PCDH15: variants seen among roughly 807,000 people sequenced by gnomAD.
PCDH15 encodes the protein protocadherin related 15, also known as protocadherin-15.
In PCDH15, 129 loss-of-function variants were observed where a neutral mutation model predicts 178.5. That is an observed-to-expected ratio of 0.72 (90% CI 0.63 to 0.84). PCDH15 has a LOEUF of 0.84. PCDH15 is among the 40% of genes least tolerant of loss of function. The pLI is 0.00. For synonymous variants in PCDH15, 800 were observed against 732.0 expected (o/e 1.09, Z -1.50); for missense variants, 2,230 against 2,099.9 (o/e 1.06, Z -1.21).
chr10:54,325,472 G>T (rs1369964464), intron 7 of PCDH15, among the ~76,000 whole-genome samples: 1 of 152,042 alleles, frequency 6.6e-6, no homozygotes, highest in Admixed American at 6.6e-5. Flanking sequence ...ACCACTGCCA[G>T]GTGCAGTGGC....
intron 2 of PCDH15, among the ~76,000 whole-genome samples, chr10:55,015,546 C>T (rs2204866): frequency 0.13 from 19,798 of 152,084 alleles, 1,417 homozygotes; most frequent in Middle Eastern, 0.2. Context: ...TTGCTGGGTC[C>T]TTGGCAAGAT....
At chr10:55,388,447 C>A (rs1222380104) in intron 2 of PCDH15, among the ~76,000 whole-genome samples, 1 of 152,010 alleles carries the variant, frequency 6.6e-6, no homozygotes, top group Non-Finnish European at 1.5e-5. Context: ...CTGATGGTTT[C>A]TTTGTTCTGT....
At chr10:55,202,850 A>G (rs186153133) in intron 1 of PCDH15, among the ~76,000 whole-genome samples, 7 of 152,238 alleles carry the variant, frequency 4.6e-5, no homozygotes, top group Non-Finnish European at 5.9e-5. Context: ...TGCTGTGAAG[A>G]AGGTGCTTGC....
chr10:54,286,498 T>A (rs1371417664), intron 8 of PCDH15, among the ~76,000 whole-genome samples: 1 of 152,200 alleles, frequency 6.6e-6, no homozygotes, highest in African/African-American at 2.4e-5. Context: ...ATAGCATCTA[T>A]AGATTCATCA....
At chr10:55,352,894 T>A (rs1786177152) in intron 2 of PCDH15, among the ~76,000 whole-genome samples, 1 of 152,128 alleles carries the variant, frequency 6.6e-6, no homozygotes, top group African/African-American at 2.4e-5. Flanking sequence ...ACGGCTTTCT[T>A]AATCCAGGCA....
intron 3 of PCDH15, among the ~76,000 whole-genome samples, chr10:54,492,552 C>T (rs2079698819): frequency 6.6e-6 from 1 of 152,038 alleles, no homozygotes. Flanking sequence ...CAACTGTGTT[C>T]CAAAATTATT....
At chr10:54,988,322 G>C (rs1406006531) in intron 2 of PCDH15, among the ~76,000 whole-genome samples, 1 of 152,152 alleles carries the variant, frequency 6.6e-6, no homozygotes, top group Non-Finnish European at 1.5e-5. Flanking sequence ...CTCCAGTAGA[G>C]TGGGCTGCTG....
chr10:54,832,261 C>T (rs900116410), intron 3 of PCDH15, among the ~76,000 whole-genome samples: 18 of 152,114 alleles, frequency 1.2e-4, no homozygotes, highest in African/African-American at 4.3e-4. Context: ...ACTGCCCATC[C>T]GAATCAGTCA....
chr10:54,191,067 G>A (rs1205035156), intron 11 of PCDH15, among the ~76,000 whole-genome samples: 1 of 152,182 alleles, frequency 6.6e-6, no homozygotes, highest in East Asian at 1.9e-4. Flanking sequence ...AACATCATTA[G>A]CATCTTTGAA....
At chr10:54,804,937 A>ATATATATATATATATATATATATC (rs1952753297), upstream of PCDH15, among the ~76,000 whole-genome samples, 1 of 127,038 alleles carries the variant, frequency 7.9e-6, no homozygotes, top group African/African-American at 2.8e-5. Context: ...TTATATATAT[A>ATATATATATATATATATATATATC]TATATATATA....
intron 20 of PCDH15, among the ~76,000 whole-genome samples, chr10:54,010,816 G>T (rs2092557084): frequency 6.6e-6 from 1 of 152,146 alleles, no homozygotes; most frequent in Non-Finnish European, 1.5e-5. Context: ...ACCAGGCAGT[G>T]CCTAAGCTCG....
chr10:55,483,096 G>T (rs1311703129), intron 2 of PCDH15, among the ~76,000 whole-genome samples: 1 of 151,678 alleles, frequency 6.6e-6, no homozygotes, highest in African/African-American at 2.4e-5. Flanking sequence ...TCATTATAAA[G>T]TTGCCAAAAG....
At chr10:55,080,780 G>A (rs1233645142) in intron 2 of PCDH15, among the ~76,000 whole-genome samples, 1 of 152,106 alleles carries the variant, frequency 6.6e-6, no homozygotes, top group African/African-American at 2.4e-5. Flanking sequence ...CAGAAGCAAG[G>A]AAGGGACCCT....
intron 1 of PCDH15, among the ~76,000 whole-genome samples, chr10:54,740,105 A>G (rs1373647641): frequency 6.6e-6 from 1 of 152,006 alleles, no homozygotes; most frequent in Non-Finnish European, 1.5e-5. Flanking sequence ...CAGTCCACAG[A>G]ATGGGAGAAA....
intron 26 of PCDH15, among the ~76,000 whole-genome samples, chr10:53,881,052 T>C (rs1474580699): frequency 1.3e-5 from 2 of 152,150 alleles, no homozygotes; most frequent in Non-Finnish European, 2.9e-5. Flanking sequence ...CACACATATA[T>C]AGTTATTTTT....
intron 29 of PCDH15, 118 bp downstream of exon 29, chr10:53,840,200 CTT>C: frequency 8.0e-7 from 1 of 1,245,154 alleles, no homozygotes; most frequent in Non-Finnish European, 1.2e-6. Flanking sequence ...TTTGCTTACA[CTT>C]CACTTTCAGT....
At chr10:54,573,261 C>A (rs1440088602) in intron 2 of PCDH15, among the ~76,000 whole-genome samples, 1 of 151,964 alleles carries the variant, frequency 6.6e-6, no homozygotes, top group Non-Finnish European at 1.5e-5. Context: ...TAGTAAAAAA[C>A]AATATGTCTT....
chr10:54,496,202 C>A (rs1212430372), intron 3 of PCDH15, among the ~76,000 whole-genome samples: 1 of 152,036 alleles, frequency 6.6e-6, no homozygotes, highest in Admixed American at 6.6e-5. Context: ...TGGTCAGGGG[C>A]TGGCAATTTT....
In PCDH15 at chr10:55,385,211, G is replaced by A. The variant is rs576546568; in HGVS notation, c.-155-218560C>T. Among the ~76,000 whole-genome samples, 111 of 152,176 alleles carry A rather than the reference G, an allele frequency of 7.3e-4. 2 individuals carry two copies. In the South Asian group the frequency reaches 0.021, roughly 28 times the overall value. On this transcript the variant is annotated intron_variant, in intron 2 of 5. Coordinates refer to the PCDH15 transcript ENST00000613346. ...TATATGTAAAACAAGGCAGCTTTCC[G>A]GGATGCCAAAATTGTCACTCTAGAA...
Sources: allele counts gnomAD v4.1 joint callset (sites outside exome capture counted in the v4.1 genomes callset), GRCh38; gene constraint gnomAD v4.1.1; transcripts MANE v1.5; gene names NCBI Gene and HGNC (gene_info 2026-07-23, HGNC 2026-07-21).